Variants in CEP128 observed in about 807,000 individuals in gnomAD.
The protein encoded by CEP128 is centrosomal protein 128.
CEP128 carries 132 observed loss-of-function variants against 156.7 expected under a neutral mutation model. The ratio of observed to expected loss-of-function variants is 0.84; its 90% CI spans 0.73 to 0.97. The LOEUF is 0.97. Ranked by LOEUF, CEP128 falls within the 50% of genes least tolerant of loss-of-function variation. The pLI, the probability that CEP128 is intolerant of heterozygous loss-of-function variation, is 0.00. For missense variants in CEP128, 1,252 were observed against 1,281.9 expected, an observed-to-expected ratio of 0.98 and a Z score of 0.36; for synonymous variants, 469 against 448.9, an observed-to-expected ratio of 1.04 and a Z score of -0.57.
chr14:80,597,431 T>C (rs1387978435), intron 19 of CEP128, among the ~76,000 whole-genome samples: 1 of 152,182 alleles, frequency 6.6e-6, no homozygotes, highest in East Asian at 1.9e-4. Context: ...TGTGTAATTT[T>C]AAAACTTGCA....
At chr14:80,611,874 A>G (rs890199611) in intron 19 of CEP128, among the ~76,000 whole-genome samples, 3 of 152,148 alleles carry the variant, frequency 2.0e-5, no homozygotes, top group Non-Finnish European at 4.4e-5. Context: ...CCTGGCCAAC[A>G]TGGTGAAACC....
rs73342549 is a variant in CEP128 at position 80,775,021 on chromosome 14, A to C, written c.2376+2861T>G. Among the ~76,000 whole-genome samples the C allele has an allele frequency of 7.7e-3, 1,176 of 152,324 alleles. 18 individuals are homozygous for C. Among genetic ancestry groups the C allele is most frequent in the African/African-American group, 0.026 (1,081 of 41,564 alleles). The stretch of plus-strand genomic sequence containing the variant: ...GTAGGCAGTCATTCCATATATGCCA[A>C]TTGGTTGACTGCTTGGTTGAACCAG... On this transcript the variant is annotated intron_variant, in intron 16 of 24. Coordinates refer to ENST00000555265, the MANE Select transcript of CEP128 (RefSeq NM_152446.5).
At chr14:80,485,644 G>C (rs937488429), downstream of CEP128, among the ~76,000 whole-genome samples, 4 of 152,122 alleles carry the variant, frequency 2.6e-5, no homozygotes, top group African/African-American at 9.7e-5. Flanking sequence ...ACATATAATA[G>C]AGACTTTTTT....
intron 19 of CEP128, among the ~76,000 whole-genome samples, chr14:80,696,767 TAAAC>T (rs1244942151): frequency 6.6e-6 from 1 of 152,104 alleles, no homozygotes; most frequent in Non-Finnish European, 1.5e-5. Context: ...TGGGAGAGTT[TAAAC>T]AAACAAACAA....
chr14:80,800,478 T>C (rs1297891661), intron 13 of CEP128, among the ~76,000 whole-genome samples: 2 of 152,170 alleles, frequency 1.3e-5, no homozygotes, highest in Admixed American at 6.5e-5. Flanking sequence ...GGCAGATAGT[T>C]TTTGGCAGAG....
intron 4 of CEP128, among the ~76,000 whole-genome samples, chr14:80,912,771 AAAT>A (rs145479600): frequency 0.44 from 66,221 of 149,204 alleles, 14,860 homozygotes; most frequent in South Asian, 0.55. Context: ...TTGTAAAAAA[AAAT>A]AATAATAATA....
chr14:80,740,263 CATT>C, intron 19 of CEP128, among the ~76,000 whole-genome samples: 1 of 152,108 alleles, frequency 6.6e-6, no homozygotes, highest in Non-Finnish European at 1.5e-5. Flanking sequence ...TTCAGCAAAA[CATT>C]AAAAAATCAC....
intron 4 of CEP128, among the ~76,000 whole-genome samples, chr14:80,907,335 A>G (rs915014065): frequency 1.3e-5 from 2 of 152,094 alleles, no homozygotes; most frequent in African/African-American, 4.8e-5. Flanking sequence ...GGATATGTAC[A>G]ATACCATCCT....
At chr14:80,844,037 T>A (rs1246841058) in intron 9 of CEP128, among the ~76,000 whole-genome samples, 1 of 152,064 alleles carries the variant, frequency 6.6e-6, no homozygotes, top group Admixed American at 6.6e-5. Flanking sequence ...TCTTTGAATT[T>A]CTAAATTATG....
At chr14:80,491,532 G>A (rs969571898), downstream of CEP128, among the ~76,000 whole-genome samples, 13 of 152,290 alleles carry the variant, frequency 8.5e-5, no homozygotes, top group African/African-American at 2.4e-4. Context: ...ACAGCTTGGG[G>A]TTCATTATGA....
At chr14:80,811,096 C>T (rs569495551) in intron 13 of CEP128, among the ~76,000 whole-genome samples, 1 of 152,234 alleles carries the variant, frequency 6.6e-6, no homozygotes, top group African/African-American at 2.4e-5. Context: ...GCTCCACCCA[C>T]GTCCCTACAA....
At chr14:80,595,193 C>T (rs1445586024) in intron 19 of CEP128, among the ~76,000 whole-genome samples, 1 of 152,106 alleles carries the variant, frequency 6.6e-6, no homozygotes, top group Non-Finnish European at 1.5e-5. Flanking sequence ...AAGTGGGAAA[C>T]CATCATTCTC....
intron 9 of CEP128, among the ~76,000 whole-genome samples, chr14:80,847,544 T>C (rs1886671586): frequency 6.6e-6 from 1 of 152,192 alleles, no homozygotes; most frequent in Non-Finnish European, 1.5e-5. Flanking sequence ...AAAATTTATA[T>C]AAGTGTTTCA....
intron 18 of CEP128, among the ~76,000 whole-genome samples, chr14:80,749,644 G>C (rs1899286948): frequency 6.6e-6 from 1 of 152,102 alleles, no homozygotes; most frequent in South Asian, 2.1e-4. Context: ...TAGTGGGAGA[G>C]GGAGGCAGTG....
intron 19 of CEP128, among the ~76,000 whole-genome samples, chr14:80,628,123 A>G (rs1296031102): frequency 7.9e-5 from 12 of 152,234 alleles, no homozygotes; most frequent in Admixed American, 7.2e-4. Flanking sequence ...GGTTTGACAG[A>G]TCAAACTAAC....
intron 4 of CEP128, among the ~76,000 whole-genome samples, chr14:80,908,340 C>T (rs1193822214): frequency 3.3e-5 from 5 of 152,078 alleles, no homozygotes; most frequent in Non-Finnish European, 7.4e-5. Flanking sequence ...TTACCAAATG[C>T]TGTTATGTCT....
At chr14:80,850,187 T>C (rs1886817805) in intron 9 of CEP128, among the ~76,000 whole-genome samples, 1 of 152,150 alleles carries the variant, frequency 6.6e-6, no homozygotes, top group Non-Finnish European at 1.5e-5. Flanking sequence ...AAATACACAA[T>C]GTGTCATACT....
At chr14:80,834,004 A>C (rs888708479) in intron 12 of CEP128, among the ~76,000 whole-genome samples, 1 of 152,202 alleles carries the variant, frequency 6.6e-6, no homozygotes, top group African/African-American at 2.4e-5. Flanking sequence ...GTGTATCAAC[A>C]TGCATTCTGA....
At chr14:80,614,618 G>A (rs1026869807) in intron 19 of CEP128, among the ~76,000 whole-genome samples, 5 of 152,198 alleles carry the variant, frequency 3.3e-5, no homozygotes, top group Middle Eastern at 3.4e-3. Context: ...TCCCACCCAG[G>A]TAGCCTGCTT....
Sources: allele counts gnomAD v4.1 joint callset (sites outside exome capture counted in the v4.1 genomes callset), GRCh38; gene constraint gnomAD v4.1.1; transcripts MANE v1.5; gene names NCBI Gene and HGNC (gene_info 2026-07-23, HGNC 2026-07-21).